Variants in SLC9A3 observed in about 807,000 individuals in gnomAD.
The protein encoded by SLC9A3 is sodium/hydrogen exchanger 3.
In SLC9A3, 37 loss-of-function variants were observed where a neutral mutation model predicts 86.8. The ratio of observed to expected loss-of-function variants is 0.43; its 90% CI spans 0.33 to 0.56. The LOEUF is 0.56. SLC9A3 is among the 20% of genes least tolerant of loss of function. SLC9A3 has a pLI of 0.06. For missense variants in SLC9A3, 1,011 were observed against 1,171.9 expected, an observed-to-expected ratio of 0.86 and a Z score of 2.00; for synonymous variants, 581 against 528.3, an observed-to-expected ratio of 1.10 and a Z score of -1.37.
rs1227566800 is a variant in SLC9A3 at position 473,316 on chromosome 5, G to A, written c.*63C>T. 7 of 1,383,798 alleles carry A rather than the reference G, an allele frequency of 5.1e-6. No homozygotes were observed. In the African/African-American group the frequency reaches 6.0e-5, roughly 12 times the overall value. 85.7% of individuals were successfully genotyped at this position (1,383,798 alleles called of 1,614,324 possible). ...CTGGGGTTTCTCTGGGACAGCGGCGGCGGCGGTGGGCGGACCGTGGCGCGG... is the reference window on the plus strand; with the variant it reads ...CTGGGGTTTCTCTGGGACAGCGGCGACGGCGGTGGGCGGACCGTGGCGCGG... On this transcript the variant is annotated 3_prime_UTR_variant, in exon 17 of 17. Coordinates refer to ENST00000264938, the MANE Select transcript of SLC9A3 (RefSeq NM_004174.4).
intron 1 of SLC9A3, among the ~76,000 whole-genome samples, chr5:499,162 C>G (rs1740156867): frequency 6.6e-6 from 1 of 152,256 alleles, no homozygotes; most frequent in Non-Finnish European, 1.5e-5. Context: ...TTCCCAAGGA[C>G]CCATGGCCTC....
chr5:480,409 G>T, intron 9 of SLC9A3: 1 of 157,980 alleles, frequency 6.3e-6, no homozygotes, highest in South Asian at 1.8e-4. Context: ...AGAAGGGACG[G>T]TGGCCTGGCC....
intron 1 of SLC9A3, among the ~76,000 whole-genome samples, chr5:515,017 ACTCAAAGGCCGCCCTC>A (rs1193850686): frequency 6.6e-6 from 1 of 152,036 alleles, no homozygotes. Context: ...TCGGGGATGC[ACTCAAAGGCCGCCCTC>A]CAGGGACCAG....
chr5:507,568 G>A (rs938085406), intron 1 of SLC9A3, among the ~76,000 whole-genome samples: 1 of 151,578 alleles, frequency 6.6e-6, no homozygotes, highest in South Asian at 2.1e-4. Flanking sequence ...CCCATTCTGG[G>A]GGGATCCAAA....
chr5:513,969 CCAACCCGAGCCAG>C (rs1733650673), intron 1 of SLC9A3, among the ~76,000 whole-genome samples: 1 of 152,228 alleles, frequency 6.6e-6, no homozygotes, highest in Non-Finnish European at 1.5e-5. Flanking sequence ...CAGCACTCAG[CCAACCCGAGCCAG>C]TTCCGCCTGA....
chr5:475,770 C>G, intron 14 of SLC9A3, 99 bp from the exon 15 acceptor site: 2 of 753,030 alleles, frequency 2.7e-6, no homozygotes, highest in Admixed American at 2.3e-5. Flanking sequence ...GAGGTGCAGG[C>G]AGTCGGGACC....
At chr5:499,580 C>G (rs1050188102) in intron 1 of SLC9A3, among the ~76,000 whole-genome samples, 3 of 152,222 alleles carry the variant, frequency 2.0e-5, no homozygotes, top group African/African-American at 7.2e-5. Context: ...TGGAAACGTC[C>G]CCACATGCTG....
intron 7 of SLC9A3, 105 bp from the exon 8 acceptor site, chr5:482,262 C>T (rs981537692): frequency 1.1e-4 from 99 of 882,840 alleles, no homozygotes; most frequent in Middle Eastern, 4.7e-4. Context: ...CCCACAGGCG[C>T]CCTCCCTGCT....
At chr5:475,966 G>T (rs1738700087) in intron 14 of SLC9A3, 54 bp downstream of exon 14, 1 of 1,458,282 alleles carries the variant, frequency 6.9e-7, no homozygotes. Flanking sequence ...GGAGGGCTGG[G>T]GCTGGGAGGT....
At chr5:503,576 G>A (rs1740405527) in intron 1 of SLC9A3, among the ~76,000 whole-genome samples, 1 of 152,184 alleles carries the variant, frequency 6.6e-6, no homozygotes, top group African/African-American at 2.4e-5. Flanking sequence ...GGGAGAATGG[G>A]GCGGGGAAAC....
intron 1 of SLC9A3, among the ~76,000 whole-genome samples, chr5:504,679 T>C (rs1038609028): frequency 2.6e-5 from 4 of 152,144 alleles, no homozygotes; most frequent in African/African-American, 7.2e-5. Context: ...TCTGGGGCCA[T>C]GGGCACCGGG....
At chr5:473,444 C>A in intron 16 of SLC9A3, 62 bp from the exon 17 acceptor site, 1 of 1,309,654 alleles carries the variant, frequency 7.6e-7, no homozygotes, top group Non-Finnish European at 9.8e-7. Context: ...GAGGGGCGTC[C>A]CCGGGGGCCT....
intron 1 of SLC9A3, among the ~76,000 whole-genome samples, chr5:507,124 AGT>A: frequency 6.9e-6 from 1 of 143,990 alleles, no homozygotes; most frequent in South Asian, 2.2e-4. Flanking sequence ...AAATAAATAA[AGT>A]TATTGGGTCA....
intron 2 of SLC9A3, among the ~76,000 whole-genome samples, chr5:489,046 G>T (rs1412925404): frequency 6.6e-6 from 1 of 152,204 alleles, no homozygotes; most frequent in Non-Finnish European, 1.5e-5. Context: ...GTGGGCTCTG[G>T]TGCCCCTCGC....
chr5:507,699 G>A (rs1740668146), intron 1 of SLC9A3, among the ~76,000 whole-genome samples: 2 of 106,962 alleles, frequency 1.9e-5, no homozygotes, highest in East Asian at 2.3e-4. Context: ...CCCCGCAGAC[G>A]CCCGAATCTC....
chr5:477,587 G>T, intron 10 of SLC9A3, 143 bp from the exon 11 acceptor site: 1 of 567,482 alleles, frequency 1.8e-6, no homozygotes, highest in Non-Finnish European at 3.1e-6. Flanking sequence ...CCTCACAGCT[G>T]CAGAGGGAGG....
intron 1 of SLC9A3, among the ~76,000 whole-genome samples, chr5:507,207 T>G (rs143518032): frequency 2.8e-5 from 2 of 71,134 alleles, no homozygotes; most frequent in African/African-American, 4.9e-5. Flanking sequence ...CTGGCTCTGT[T>G]GCCCAGGCTG....
chr5:519,836 G>GGGGGGCTGCGCCGCTCAGAGCA (rs1405801341), intron 1 of SLC9A3, among the ~76,000 whole-genome samples: 83 of 152,178 alleles, frequency 5.5e-4, no homozygotes, highest in African/African-American at 1.8e-3. Flanking sequence ...GAGGGGGGTG[G>GGGGGGCTGCGCCGCTCAGAGCA]GGGGGCTGCG....
At chr5:480,781 C>A (rs1017893911) in intron 9 of SLC9A3, 2 of 152,266 alleles carry the variant, frequency 1.3e-5, no homozygotes, top group Admixed American at 6.5e-5. Context: ...AAACACAGAT[C>A]GCTCAGAAAA....
Sources: allele counts gnomAD v4.1 joint callset (sites outside exome capture counted in the v4.1 genomes callset), GRCh38; gene constraint gnomAD v4.1.1; transcripts MANE v1.5; gene names NCBI Gene and HGNC (gene_info 2026-07-23, HGNC 2026-07-21).